Variants in ANKRD33B observed in about 807,000 individuals in gnomAD.
The protein encoded by ANKRD33B is ankyrin repeat domain-containing protein 33B.
A neutral mutation model predicts 21.5 loss-of-function variants in ANKRD33B; 6 were observed. That is an observed-to-expected ratio of 0.28 (90% CI 0.15 to 0.55). The LOEUF (loss-of-function observed/expected upper bound fraction) is 0.55, where lower values mean the gene tolerates loss of function less well. ANKRD33B is among the 20% of genes least tolerant of loss of function. The probability of loss-of-function intolerance (pLI) is 0.94; values close to 1 mark genes in which losing one functional copy is unlikely to be tolerated. For missense variants in ANKRD33B, 698 were observed against 747.2 expected (o/e 0.93, Z 0.77); for synonymous variants, 347 against 342.4 (o/e 1.01, Z -0.15).
rs1295818243 is a variant in ANKRD33B at position 10,614,025 on chromosome 5, G to GTGTA, written c.367-4307_367-4306insGTAT. On this transcript the variant is annotated intron_variant, in intron 1 of 3. Coordinates refer to ENST00000296657, the MANE Select transcript of ANKRD33B (RefSeq NM_001164440.2). ...TGTGTGTGTGTGTGTGTGTGTGTGT[G>GTGTA]TATAAACATATATGTAGAGAAGGAG... 6.4e-3 allele frequency among the ~76,000 whole-genome samples: 962 copies of GTGTA among 150,542 alleles called. 8 individuals carry two copies. The highest frequency in any genetic ancestry group is 0.022 in the African/African-American group (913 of 40,672).
At chr5:10,569,038 GTTTTTATTTATTTATT>G (rs1485139186) in intron 1 of ANKRD33B, among the ~76,000 whole-genome samples, 1 of 152,108 alleles carries the variant, frequency 6.6e-6, no homozygotes, top group Non-Finnish European at 1.5e-5. Flanking sequence ...ATGTGAGAAA[GTTTTTATTTATTTATT>G]TTTTTAATAC....
At chr5:10,569,544 T>G (rs2126542954) in intron 1 of ANKRD33B, among the ~76,000 whole-genome samples, 1 of 152,092 alleles carries the variant, frequency 6.6e-6, no homozygotes, top group African/African-American at 2.4e-5. Context: ...TGCAGTGAGT[T>G]GAGATTGCAC....
chr5:10,610,553 A>C (rs1736147894), intron 1 of ANKRD33B, among the ~76,000 whole-genome samples: 1 of 152,228 alleles, frequency 6.6e-6, no homozygotes, highest in South Asian at 2.1e-4. Context: ...CTGTATTTGT[A>C]GTCACAGAAC....
intron 1 of ANKRD33B, among the ~76,000 whole-genome samples, chr5:10,588,729 G>A (rs1351430759): frequency 6.6e-6 from 1 of 152,198 alleles, no homozygotes; most frequent in East Asian, 1.9e-4. Flanking sequence ...TTCTCCATCA[G>A]CCTGAGTCTT....
chr5:10,622,825 G>A (rs1006205523), intron 2 of ANKRD33B, among the ~76,000 whole-genome samples: 11 of 129,498 alleles, frequency 8.5e-5, no homozygotes, highest in African/African-American at 3.3e-4. Flanking sequence ...TTTTTTTCTG[G>A]CTTGCTCATT....
intron 1 of ANKRD33B, among the ~76,000 whole-genome samples, chr5:10,578,540 G>A (rs372909211): frequency 6.6e-6 from 1 of 152,210 alleles, no homozygotes; most frequent in African/African-American, 2.4e-5. Flanking sequence ...ATCTTCTTGG[G>A]GGGATTTTGG....
intron 1 of ANKRD33B, among the ~76,000 whole-genome samples, chr5:10,599,460 C>T (rs563348440): frequency 2.0e-5 from 3 of 152,190 alleles, no homozygotes; most frequent in Admixed American, 1.3e-4. Context: ...TTTTTATCAT[C>T]CCTCTCCCCC....
At chr5:10,595,551 C>A (rs1314055381) in intron 1 of ANKRD33B, among the ~76,000 whole-genome samples, 1 of 152,126 alleles carries the variant, frequency 6.6e-6, no homozygotes, top group African/African-American at 2.4e-5. Flanking sequence ...TTCACAGCGA[C>A]CGGGGTTAGG....
intron 1 of ANKRD33B, among the ~76,000 whole-genome samples, chr5:10,577,868 C>T (rs1735359498): frequency 6.6e-6 from 1 of 152,218 alleles, no homozygotes; most frequent in Admixed American, 6.5e-5. Flanking sequence ...CAGCTTGCTG[C>T]ACCGTGGGGT....
rs1158237968 is a variant in ANKRD33B at position 10,564,496 on chromosome 5, A to G, written c.29A>G (p.Glu10Gly). 6.6e-7 allele frequency: 1 copy of G among 1,513,382 alleles called. No homozygotes were observed. The highest frequency in any genetic ancestry group is 8.8e-7 in the Non-Finnish European group (1 of 1,134,270). 93.7% of individuals were successfully genotyped at this position (1,513,382 alleles called of 1,614,324 possible). A position where few individuals can be genotyped will look rare whatever the true frequency, so the allele number is the denominator to read the frequency against. The change falls in exon 1 of 4, where the codon GAG becomes GGG. Residue 10 changes from glutamate to glycine, a missense_variant. Transcript: ENST00000296657. MVLLAGTGP[E>G]GGGARCMTPP... ...GTGCTGCTGGCCGGGACCGGGCCGGAGGGCGGCGGGGCGCGCTGCATGACC... is the reference window on the plus strand; with the variant it reads ...GTGCTGCTGGCCGGGACCGGGCCGGGGGGCGGCGGGGCGCGCTGCATGACC...
rs975088669 is a variant in ANKRD33B at position 10,564,225 on chromosome 5, G to GCGCCC, written c.-228_-224dup. 3.4e-4 allele frequency: 54 copies of GCGCCC among 157,448 alleles called. 1 individual carries two copies. The highest frequency in any genetic ancestry group is 1.1e-3 in the African/African-American group (45 of 41,608). 9.8% of individuals were successfully genotyped at this position (157,448 alleles called of 1,614,324 possible). On this transcript the variant is annotated 5_prime_UTR_variant, in exon 1 of 4. Coordinates refer to ENST00000296657, the MANE Select transcript of ANKRD33B (RefSeq NM_001164440.2). ...AGGCCCCGGGGGAAGGCGTGTCCCC[G>GCGCCC]CGCCCCGCCCCGCCCCGCCTCGGAA...
Position 10,619,809 on chromosome 5 carries a change from C to G in ANKRD33B, c.496+1347C>G, listed in dbSNP as rs1041717403. Among the ~76,000 whole-genome samples the G allele has an allele frequency of 6.6e-6, 1 of 152,146 alleles. No individual in the cohort carries two copies. Among genetic ancestry groups the G allele is most frequent in the African/African-American group, 2.4e-5 (1 of 41,422 alleles). ...AGGATACAGAAGTGCAGGGCAGCCC[C>G]GTCCTTGAGTAATTCTGCAGCTCAT... On this transcript the variant is annotated intron_variant, in intron 2 of 3. Transcript: ENST00000296657. The surrounding 1 kb of genome is among the most constrained non-coding windows in gnomAD (Gnocchi z 4.5).
At chr5:10,592,201 A>C (rs1242503569) in intron 1 of ANKRD33B, among the ~76,000 whole-genome samples, 1 of 152,036 alleles carries the variant, frequency 6.6e-6, no homozygotes, top group East Asian at 1.9e-4. Context: ...ACAGGGTCTT[A>C]TTTTGGGCCA....
intron 1 of ANKRD33B, among the ~76,000 whole-genome samples, chr5:10,599,112 A>C (rs1403444157): frequency 6.6e-6 from 1 of 152,180 alleles, no homozygotes; most frequent in Non-Finnish European, 1.5e-5. Context: ...GATTTCTGTC[A>C]CCATGGATTA....
chr5:10,643,423 T>C (rs1414352181), intron 3 of ANKRD33B, among the ~76,000 whole-genome samples: 1 of 152,032 alleles, frequency 6.6e-6, no homozygotes, highest in Non-Finnish European at 1.5e-5. Context: ...ACCACTGATA[T>C]AAATAATTTA....
intron 2 of ANKRD33B, among the ~76,000 whole-genome samples, chr5:10,628,383 T>C (rs982092657): frequency 6.6e-6 from 1 of 152,176 alleles, no homozygotes; most frequent in Non-Finnish European, 1.5e-5. Context: ...GGTTTCACCA[T>C]GTTGGCCAGG....
downstream of ANKRD33B, chr5:10,657,816 ATT>A (rs1312735579): frequency 6.6e-6 from 1 of 152,402 alleles, no homozygotes; most frequent in Non-Finnish European, 1.5e-5. Context: ...GTTAAAACGC[ATT>A]CTTATGGTAC....
rs186727773 is a variant in ANKRD33B at position 10,640,112 on chromosome 5, C to T, written c.637+1944C>T. Among the ~76,000 whole-genome samples the T allele has an allele frequency of 5.7e-4, 65 of 114,332 alleles. 7 individuals are homozygous for T. Among genetic ancestry groups the T allele is most frequent in the African/African-American group, 1.7e-3 (51 of 30,516 alleles). 75.0% of individuals were successfully genotyped at this position (114,332 alleles called of 152,430 possible). ...TGTTAGCGGGTGACGTGGAGTTGCG[C>T]GGTGATGTTAGCGGGTGACGTGGAG... On this transcript the variant is annotated intron_variant, in intron 3 of 3. Transcript: ENST00000296657.
rs1737454604 is a variant in ANKRD33B at position 10,655,192 on chromosome 5, G to A, written c.*5079G>A. On this transcript the variant is annotated 3_prime_UTR_variant, in exon 4 of 4. Transcript: ENST00000296657. ...CTGCCCGCTTCTCTCCCTGCTGTTGGCGGTGACCAGGTCTCAGGAGCGGAG... is the reference window on the plus strand; with the variant it reads ...CTGCCCGCTTCTCTCCCTGCTGTTGACGGTGACCAGGTCTCAGGAGCGGAG... 1 of 152,402 alleles carries A rather than the reference G, an allele frequency of 6.6e-6. No individual in the cohort carries two copies. 9.4% of individuals were successfully genotyped at this position (152,402 alleles called of 1,614,324 possible). A position where few individuals can be genotyped will look rare whatever the true frequency, so the allele number is the denominator to read the frequency against.
Sources: allele counts gnomAD v4.1 joint callset (sites outside exome capture counted in the v4.1 genomes callset), GRCh38; gene constraint gnomAD v4.1.1; non-coding constraint Gnocchi (gnomAD v3.1); transcripts MANE v1.5; gene names NCBI Gene and HGNC (gene_info 2026-07-23, HGNC 2026-07-21).